Variants in THADA observed in about 807,000 individuals in gnomAD.
THADA encodes THADA armadillo repeat containing, also known as tRNA (32-2'-O)-methyltransferase regulator THADA.
In THADA, 213 loss-of-function variants were observed where a neutral mutation model predicts 219.8. The ratio of observed to expected loss-of-function variants is 0.97; its 90% CI spans 0.87 to 1.09. The LOEUF is 1.09. THADA is among the 50% of genes least tolerant of loss of function. The pLI, the probability that THADA is intolerant of heterozygous loss-of-function variation, is 0.00. For missense variants in THADA, 2,956 were observed against 2,311.3 expected, an observed-to-expected ratio of 1.28 and a Z score of -5.72; for synonymous variants, 1,018 against 828.9, an observed-to-expected ratio of 1.23 and a Z score of -3.92.
intron 8 of THADA, 117 bp downstream of exon 8, chr2:43,581,624 G>T: frequency 1.1e-6 from 1 of 870,498 alleles, no homozygotes; most frequent in Non-Finnish European, 1.7e-6. Context: ...GCTGAGTAAG[G>T]ACACATTCCA....
chr2:43,580,654 C>T (rs182923434), intron 8 of THADA, among the ~76,000 whole-genome samples: 2,392 of 151,910 alleles, frequency 0.016, 30 homozygotes, highest in Non-Finnish European at 0.027. Context: ...GCGGGCAGAT[C>T]ACCTGAGGTC....
At chr2:43,449,493 A>G (rs767016262) in intron 26 of THADA, among the ~76,000 whole-genome samples, 50 of 152,234 alleles carry the variant, frequency 3.3e-4, no homozygotes, top group Non-Finnish European at 5.6e-4. Flanking sequence ...GATAGGATAA[A>G]CTAAAAAAGA....
chr2:43,393,507 A>C (rs991004126), intron 29 of THADA, among the ~76,000 whole-genome samples: 4 of 152,166 alleles, frequency 2.6e-5, no homozygotes, highest in African/African-American at 4.8e-5. Context: ...CAGGAGTTCA[A>C]GACCAGTCTG....
At position 43,230,976 on chromosome 2, in the gene THADA, G is replaced by A. The variant is rs1327285931; in HGVS notation, c.5834C>T (p.Thr1945Ile). 1 of 1,612,642 alleles carries A rather than the reference G, an allele frequency of 6.2e-7. No homozygotes were observed. Among genetic ancestry groups the A allele is most frequent in the Non-Finnish European group, 8.5e-7 (1 of 1,178,936 alleles). ...WDSYAESRQL[T>I]LPRTEAAC ...ACATGCCGCTTCTGTTCTTGGAAGA[G>A]TTAACTGCCTCGATTCTGCATAAGA... Residue 1945 changes from threonine (T) to isoleucine (I), a missense_variant, in exon 38 of 38, where the codon ACT (threonine) becomes ATT (isoleucine). By Grantham distance (89) the Thr-to-Ile change is moderately conservative. Coordinates refer to ENST00000405975, the MANE Select transcript of THADA (RefSeq NM_022065.5).
chr2:43,320,429 A>G lies in THADA; in HGVS notation c.4438+17T>C, dbSNP rs773192392. ...ATGTGTAACGATTCCAAAATACAGT[A>G]TAACTATGAATCATACCTGGCTGGT... On this transcript the variant is annotated intron_variant, in intron 31 of 37. Coordinates refer to ENST00000405975, the MANE Select transcript of THADA (RefSeq NM_022065.5). 9 of 1,593,854 alleles carry G rather than the reference A, an allele frequency of 5.6e-6. No homozygotes were observed. The highest frequency in any genetic ancestry group is 1.1e-5 in the South Asian group (1 of 89,312).
intron 16 of THADA, among the ~76,000 whole-genome samples, chr2:43,556,873 C>A (rs1401488116): frequency 2.6e-5 from 4 of 152,106 alleles, no homozygotes; most frequent in African/African-American, 9.7e-5. Context: ...TGAGACCAGC[C>A]TGGGCAACAC....
At chr2:43,308,375 A>C (rs1173243653) in intron 31 of THADA, among the ~76,000 whole-genome samples, 2 of 152,082 alleles carry the variant, frequency 1.3e-5, no homozygotes, top group African/African-American at 4.8e-5. Context: ...AAAGAAAGGA[A>C]AAAGGGCAAG....
intron 29 of THADA, among the ~76,000 whole-genome samples, chr2:43,351,002 C>T (rs765526225): frequency 1.3e-5 from 2 of 152,192 alleles, no homozygotes; most frequent in South Asian, 2.1e-4. Flanking sequence ...AACACAAAGC[C>T]TGCTGGGGAC....
chr2:43,422,520 G>T (rs1051383553), intron 28 of THADA, among the ~76,000 whole-genome samples: 8 of 152,168 alleles, frequency 5.3e-5, no homozygotes, highest in Admixed American at 5.2e-4. Flanking sequence ...TCTGGAAGCA[G>T]CAACAGTGTC....
intron 29 of THADA, chr2:43,391,767 G>A (rs1055497492): frequency 6.6e-6 from 1 of 152,198 alleles, no homozygotes; most frequent in Admixed American, 6.5e-5. Context: ...AAGACTCCCT[G>A]AGAGCTGAAG....
At chr2:43,235,973 A>C (rs1667989520) in intron 36 of THADA, among the ~76,000 whole-genome samples, 1 of 151,876 alleles carries the variant, frequency 6.6e-6, no homozygotes, top group South Asian at 2.1e-4. Context: ...CGCCCGGCTA[A>C]ATTTTTTTTG....
chr2:43,591,652 G>C (rs1207461763), intron 3 of THADA, among the ~76,000 whole-genome samples: 1 of 151,628 alleles, frequency 6.6e-6, no homozygotes, highest in Non-Finnish European at 1.5e-5. Flanking sequence ...TTTTAAATGT[G>C]TCTGCTAAAA....
chr2:43,408,641 A>T (rs977330947), intron 28 of THADA, among the ~76,000 whole-genome samples: 2 of 152,194 alleles, frequency 1.3e-5, no homozygotes, highest in African/African-American at 4.8e-5. Flanking sequence ...GTATCTAACA[A>T]TGTGGCCACA....
rs1699639660 is a variant in THADA at position 43,574,527 on chromosome 2, G to C, written c.1538C>G (p.Thr513Ser). 1 of 1,613,874 alleles carries C rather than the reference G, an allele frequency of 6.2e-7. No homozygotes were observed. The highest frequency in any genetic ancestry group is 8.5e-7 in the Non-Finnish European group (1 of 1,179,902). ...CTGGTCAATCCAAGAACTCTCAGCA[G>C]TCTGGGATTTCAAATGACTCTTATG... ...RNHKSHLKSQ[T>S]AESSWIDQWH... The change falls in exon 11 of 38, where the codon ACT becomes AGT. Residue 513 changes from threonine (T) to serine (S), a missense_variant. By Grantham distance (58) the Thr-to-Ser change is moderately conservative. Transcript: ENST00000405975.
chr2:43,576,944 C>G (rs1699917233), intron 10 of THADA, 78 bp downstream of exon 10: 1 of 1,306,604 alleles, frequency 7.7e-7, no homozygotes, highest in Non-Finnish European at 1.1e-6. Flanking sequence ...GAGGCACAAG[C>G]CACTCCAGCT....
At chr2:43,584,180 G>A (rs1230796465) in intron 7 of THADA, among the ~76,000 whole-genome samples, 1 of 151,962 alleles carries the variant, frequency 6.6e-6, no homozygotes, top group African/African-American at 2.4e-5. Flanking sequence ...TGGGGCTACA[G>A]GAAAAGACTT....
chr2:43,276,051 G>T (rs1241630350), intron 36 of THADA, among the ~76,000 whole-genome samples: 1 of 152,178 alleles, frequency 6.6e-6, no homozygotes, highest in East Asian at 1.9e-4. Context: ...TCTTTCCTGA[G>T]CATTTCAAGG....
chr2:43,530,249 T>C lies in THADA; in HGVS notation c.3265-2261A>G, dbSNP rs186445666. 5.9e-5 allele frequency among the ~76,000 whole-genome samples: 9 copies of C among 152,342 alleles called. No individual in the cohort carries two copies. In the East Asian group the frequency reaches 1.5e-3, roughly 26 times the overall value. Reference sequence around the variant, plus strand: ...GATCTGATGATACTCTTGATTTTAGTATCTTTTAAAGACCACATACTACCA... The same window carrying C: ...GATCTGATGATACTCTTGATTTTAGCATCTTTTAAAGACCACATACTACCA... On this transcript the variant is annotated intron_variant, in intron 21 of 37. Coordinates refer to ENST00000405975, the MANE Select transcript of THADA (RefSeq NM_022065.5).
intron 31 of THADA, among the ~76,000 whole-genome samples, chr2:43,308,034 TAAAATTA>T (rs1050299686): frequency 5.2e-4 from 74 of 141,432 alleles, no homozygotes; most frequent in African/African-American, 2.0e-3. Flanking sequence ...ATACAGTATC[TAAAATTA>T]AAAAAAATTC....
Sources: gnomAD v4.1 joint callset for allele counts (sites outside exome capture counted in the v4.1 genomes callset) on GRCh38, gnomAD v4.1.1 for gene constraint, MANE v1.5 for transcripts, NCBI Gene and HGNC (gene_info 2026-07-23, HGNC 2026-07-21) for gene names.